Variants in CPLX2 observed in about 807,000 individuals in gnomAD.
CPLX2 encodes the protein complexin-2.
Under a neutral mutation model 16.3 loss-of-function variants are expected in CPLX2, and 5 were observed. The ratio of observed to expected loss-of-function variants is 0.31; its 90% CI spans 0.16 to 0.64. The LOEUF is 0.64. CPLX2 is among the 30% of genes least tolerant of loss of function. CPLX2 has a pLI of 0.79. For missense variants in CPLX2, 144 were observed against 181.4 expected (o/e 0.79, Z 1.18); for synonymous variants, 89 against 73.2 (o/e 1.22, Z -1.10).
intron 2 of CPLX2, among the ~76,000 whole-genome samples, chr5:175,862,834 C>T (rs1759397610): frequency 6.6e-6 from 1 of 152,200 alleles, no homozygotes; most frequent in Non-Finnish European, 1.5e-5. Context: ...ATCAGTCCAG[C>T]CCAGTTCATG....
rs1758274041 is a variant in CPLX2 at position 175,809,463 on chromosome 5, C to A, written c.-89+395C>A. 1 of 152,178 alleles carries A rather than the reference C, an allele frequency of 6.6e-6. No individual in the cohort carries two copies. Among genetic ancestry groups the A allele is most frequent in the Admixed American group, 6.5e-5 (1 of 15,276 alleles). The allele number at this position is 152,178 out of a possible 1,614,324, so 9.4% of individuals were successfully genotyped here. On this transcript the variant is annotated intron_variant, in intron 2 of 4. Coordinates refer to the CPLX2 transcript ENST00000359546. The surrounding 1 kb of genome is among the most constrained non-coding windows in gnomAD (Gnocchi z 4.4). ...CAATGGCCTGTGCACATTGTAGGTG[C>A]TTGGTACATGTTTGATGAATGAATG... is the stretch of plus-strand genomic sequence containing the variant.
At chr5:175,810,171 G>C (rs1321182294) in intron 2 of CPLX2, among the ~76,000 whole-genome samples, 5 of 152,200 alleles carry the variant, frequency 3.3e-5, no homozygotes, top group Non-Finnish European at 5.9e-5. Flanking sequence ...CTCATAACTA[G>C]TTCCTACTGT....
chr5:175,863,570 C>T (rs892557357), intron 2 of CPLX2, among the ~76,000 whole-genome samples: 1 of 152,242 alleles, frequency 6.6e-6, no homozygotes, highest in Non-Finnish European at 1.5e-5. Context: ...GAGGCTCAGT[C>T]GATGAAAATC....
intron 2 of CPLX2, among the ~76,000 whole-genome samples, chr5:175,818,730 C>T (rs1239460102): frequency 7.7e-5 from 10 of 129,162 alleles, no homozygotes; most frequent in African/African-American, 2.0e-4. Flanking sequence ...GATGCGATCT[C>T]GGTTCACTGC....
intron 2 of CPLX2, among the ~76,000 whole-genome samples, chr5:175,860,514 G>A (rs779479821): frequency 3.7e-5 from 5 of 135,616 alleles, no homozygotes; most frequent in Admixed American, 7.3e-5. Flanking sequence ...AAGAAAGAAA[G>A]AAAAAGAAAG....
intron 2 of CPLX2, among the ~76,000 whole-genome samples, chr5:175,831,048 A>G (rs1288617838): frequency 6.6e-6 from 1 of 151,994 alleles, no homozygotes; most frequent in African/African-American, 2.4e-5. Context: ...ACATTTAGGC[A>G]TAAGTGCGTC....
Position 175,859,405 on chromosome 5 carries a change from C to T in CPLX2, c.-88-19247C>T, listed in dbSNP as rs192634863. ...TAGCTCTGAGATGAAAAAGAGATAT[C>T]GAGAAGATCTGAGGAAGCCACAGCC... On this transcript the variant is annotated intron_variant, in intron 2 of 4. Transcript: ENST00000359546. Among the ~76,000 whole-genome samples, 386 of 152,250 alleles carry T rather than the reference C, an allele frequency of 2.5e-3. 1 individual carries two copies. The highest frequency in any genetic ancestry group is 3.9e-3 in the Non-Finnish European group (265 of 68,002).
intron 2 of CPLX2, among the ~76,000 whole-genome samples, chr5:175,833,131 A>AG (rs1447352174): frequency 2.0e-5 from 3 of 148,408 alleles, no homozygotes; most frequent in Non-Finnish European, 4.4e-5. Flanking sequence ...GCTCCAGCCT[A>AG]GATGACAAAA....
chr5:175,802,374 C>G lies in CPLX2; in HGVS notation c.-169+5590C>G, dbSNP rs377099369. On this transcript the variant is annotated intron_variant, in intron 1 of 4. Transcript: ENST00000359546. ...TGCTGCATAGGGTTCAGAAGTTAAT[C>G]TTGGTAAAGTGCCTGGCAGATGAAA... is the stretch of plus-strand genomic sequence containing the variant. Among the ~76,000 whole-genome samples the G allele has an allele frequency of 7.2e-5, 11 of 152,198 alleles. No individual in the cohort carries two copies. In the East Asian group the frequency reaches 9.6e-4, roughly 13 times the overall value.
At position 175,880,195 on chromosome 5, in the gene CPLX2, T is replaced by C. The variant is rs1335791020; in HGVS notation, c.*150T>C. ...TGGCCAGGGGCTTCTCCCCCTCAGC[T>C]CTCCCTCACACCTCCCTTCATCCCA... On this transcript the variant is annotated 3_prime_UTR_variant, in exon 4 of 4. Coordinates refer to ENST00000393745, the MANE Select transcript of CPLX2 (RefSeq NM_001008220.2). The C allele has an allele frequency of 1.3e-6, 1 of 797,584 alleles. No homozygotes were observed. The highest frequency in any genetic ancestry group is 2.2e-6 in the Non-Finnish European group (1 of 459,910). The allele number at this position is 797,584 out of a possible 1,614,324, so 49.4% of individuals were successfully genotyped here.
In CPLX2 at chr5:175,808,151, CAG is replaced by C. The variant is rs537339998; in HGVS notation, c.-168-832_-168-831del. Among the ~76,000 whole-genome samples, 326 of 152,050 alleles carry C rather than the reference CAG, an allele frequency of 2.1e-3. 2 individuals carry two copies. Among genetic ancestry groups the C allele is most frequent in the African/African-American group, 7.4e-3 (305 of 41,468 alleles). Reference sequence around the variant, plus strand: ...TGGCTGCAGCAGAGAGCAAGAGCTGCAGAGAGAAGAGTTCCAGCTCCACACCT... The same window carrying C: ...TGGCTGCAGCAGAGAGCAAGAGCTGCAGAGAAGAGTTCCAGCTCCACACCT... On this transcript the variant is annotated intron_variant, in intron 1 of 4. Transcript: ENST00000359546.
intron 2 of CPLX2, among the ~76,000 whole-genome samples, chr5:175,859,147 A>G (rs1759316063): frequency 6.6e-6 from 1 of 152,254 alleles, no homozygotes; most frequent in Non-Finnish European, 1.5e-5. Flanking sequence ...CAAGCTAAGG[A>G]GACACATCTG....
At chr5:175,827,628 C>T (rs1220657169) in intron 2 of CPLX2, among the ~76,000 whole-genome samples, 1 of 152,126 alleles carries the variant, frequency 6.6e-6, no homozygotes, top group Non-Finnish European at 1.5e-5. Flanking sequence ...GTGGTCAGTG[C>T]CGAGCACCTG....
chr5:175,882,918 A>G lies in CPLX2; in HGVS notation c.*2873A>G, dbSNP rs3199427. The G allele has an allele frequency of 0.79, 120,628 of 152,300 alleles. 47,920 individuals carry two copies. The highest frequency in any genetic ancestry group is 0.9 in the East Asian group (4,649 of 5,146). 9.4% of individuals were successfully genotyped at this position (152,300 alleles called of 1,614,324 possible). A position where few individuals can be genotyped will look rare whatever the true frequency, so the allele number is the denominator to read the frequency against. ...GTGAGAGTTGCTCTGGCAGGGGCAG[A>G]ATCCTCACAGGATCGCCTGGGAGGT... On this transcript the variant is annotated 3_prime_UTR_variant, in exon 4 of 4. Coordinates refer to ENST00000393745, the MANE Select transcript of CPLX2 (RefSeq NM_001008220.2).
At chr5:175,840,537 A>G (rs1420229445) in intron 2 of CPLX2, among the ~76,000 whole-genome samples, 1 of 152,250 alleles carries the variant, frequency 6.6e-6, no homozygotes, top group East Asian at 1.9e-4. Context: ...TATCCCATTC[A>G]TTTTAAAACA....
intron 1 of CPLX2, among the ~76,000 whole-genome samples, chr5:175,876,025 C>A (rs1759748375): frequency 6.6e-6 from 1 of 151,954 alleles, no homozygotes; most frequent in Non-Finnish European, 1.5e-5. Context: ...ACAGAAATGG[C>A]ATGTTAAGTT....
At chr5:175,813,485 C>CA (rs916130811) in intron 2 of CPLX2, among the ~76,000 whole-genome samples, 3 of 152,116 alleles carry the variant, frequency 2.0e-5, no homozygotes, top group East Asian at 1.9e-4. Context: ...GAACCATGCT[C>CA]AAAAAACAAA....
intron 2 of CPLX2, among the ~76,000 whole-genome samples, chr5:175,854,438 C>T (rs751101358): frequency 2.6e-5 from 4 of 152,146 alleles, no homozygotes; most frequent in Admixed American, 6.5e-5. Flanking sequence ...AAATAGTCCA[C>T]GCAACCTTTC....
intron 1 of CPLX2, among the ~76,000 whole-genome samples, chr5:175,877,866 C>G (rs76528387): frequency 6.6e-6 from 1 of 152,084 alleles, no homozygotes; most frequent in African/African-American, 2.4e-5. Context: ...AAACTGAAAG[C>G]CGGTGATTTA....
Sources: allele counts gnomAD v4.1 joint callset (sites outside exome capture counted in the v4.1 genomes callset), GRCh38; gene constraint gnomAD v4.1.1; non-coding constraint Gnocchi (gnomAD v3.1); transcripts MANE v1.5; gene names NCBI Gene and HGNC (gene_info 2026-07-23, HGNC 2026-07-21).